The following ENOX1 variants were observed in gnomAD, a reference collection of about 807,000 sequenced individuals.
ENOX1 encodes the protein candidate growth-related and time keeping constitutive hydroquinone (NADH) oxidase.
In ENOX1, 42 loss-of-function variants were observed where a neutral mutation model predicts 82.5. The observed-to-expected ratio is 0.51, with a 90% CI of 0.40 to 0.66. ENOX1 has a LOEUF of 0.66. Among genes scored for constraint, ENOX1 ranks in the 30% least tolerant of loss-of-function variants. The pLI is 0.00. For synonymous variants in ENOX1, 271 were observed against 282.2 expected (o/e 0.96, Z 0.40); for missense variants, 608 against 811.6 (o/e 0.75, Z 3.05).
intron 1 of ENOX1, among the ~76,000 whole-genome samples, chr13:43,693,446 TAAC>T (rs1463579479): frequency 6.6e-6 from 1 of 152,152 alleles, no homozygotes; most frequent in Non-Finnish European, 1.5e-5. Context: ...CAAATCCAAT[TAAC>T]AAAATACCAT....
chr13:43,440,528 T>C (rs2056303415), intron 3 of ENOX1, among the ~76,000 whole-genome samples: 1 of 152,194 alleles, frequency 6.6e-6, no homozygotes, highest in Non-Finnish European at 1.5e-5. Context: ...AAAAAAATTA[T>C]CAAAATCAGA....
chr13:43,354,023 C>T (rs2049981466), intron 8 of ENOX1, among the ~76,000 whole-genome samples: 1 of 152,198 alleles, frequency 6.6e-6, no homozygotes. Context: ...TTATGAAATT[C>T]CTCCAGGAGG....
intron 1 of ENOX1, among the ~76,000 whole-genome samples, chr13:43,765,197 A>G (rs919165451): frequency 3.6e-4 from 55 of 152,222 alleles, no homozygotes; most frequent in Non-Finnish European, 4.4e-4. Flanking sequence ...TTTAGGGAGA[A>G]AAAAACTAAA....
chr13:43,365,613 T>C lies in ENOX1; in HGVS notation c.209-4161A>G, dbSNP rs1367451415. On this transcript the variant is annotated intron_variant, in intron 5 of 16. Coordinates refer to ENST00000690772, the MANE Select transcript of ENOX1 (RefSeq NM_001347969.2). ...TGCAGGAACATCATGGAGTCATAAG[T>C]TGAGAAATACTAGGCCAATTGGCAG... Among the ~76,000 whole-genome samples the C allele has an allele frequency of 2.6e-5, 4 of 152,088 alleles. No homozygotes were observed. In the East Asian group the frequency reaches 5.8e-4, roughly 22 times the overall value.
chr13:43,695,039 T>C (rs1032419925), intron 1 of ENOX1, among the ~76,000 whole-genome samples: 1 of 152,118 alleles, frequency 6.6e-6, no homozygotes, highest in Admixed American at 6.6e-5. Flanking sequence ...GCACAAGCAC[T>C]AACCACACAC....
chr13:43,423,506 A>G (rs2055099565), intron 3 of ENOX1, among the ~76,000 whole-genome samples: 1 of 152,220 alleles, frequency 6.6e-6, no homozygotes, highest in African/African-American at 2.4e-5. Context: ...ATCAATTCCT[A>G]CTTCTCCCAG....
chr13:43,383,006 C>G (rs1205993264), intron 5 of ENOX1, among the ~76,000 whole-genome samples: 1 of 152,080 alleles, frequency 6.6e-6, no homozygotes, highest in Non-Finnish European at 1.5e-5. Context: ...CTTAATAGAT[C>G]TCAAATTAAA....
chr13:43,422,367 G>A (rs545338071), intron 3 of ENOX1, among the ~76,000 whole-genome samples: 2 of 152,174 alleles, frequency 1.3e-5, no homozygotes, highest in South Asian at 4.1e-4. Context: ...TATATGTACA[G>A]TACTAAAGAA....
chr13:43,337,320 C>T (rs1033341251), intron 9 of ENOX1, among the ~76,000 whole-genome samples: 1 of 152,198 alleles, frequency 6.6e-6, no homozygotes, highest in Non-Finnish European at 1.5e-5. Flanking sequence ...GTAAGTGGCT[C>T]ATGTCTCTAT....
At chr13:43,229,823 G>A (rs1412972774) in intron 15 of ENOX1, among the ~76,000 whole-genome samples, 3 of 152,194 alleles carry the variant, frequency 2.0e-5, no homozygotes, top group Non-Finnish European at 4.4e-5. Flanking sequence ...TTTTTCACTT[G>A]AGCAACTGGG....
At chr13:43,217,550 T>G (rs955406423) in intron 16 of ENOX1, among the ~76,000 whole-genome samples, 2 of 151,870 alleles carry the variant, frequency 1.3e-5, no homozygotes, top group Non-Finnish European at 2.9e-5. Context: ...CAGGGAAGAG[T>G]AAATTCTTCA....
chr13:43,463,410 G>A (rs944949982), intron 3 of ENOX1, among the ~76,000 whole-genome samples: 1 of 152,186 alleles, frequency 6.6e-6, no homozygotes, highest in African/African-American at 2.4e-5. Context: ...TGCCCAGTGA[G>A]TAAAATGTGA....
chr13:43,615,678 G>T (rs1025418804), intron 2 of ENOX1, among the ~76,000 whole-genome samples: 1 of 152,020 alleles, frequency 6.6e-6, no homozygotes, highest in Non-Finnish European at 1.5e-5. Context: ...GTGCTATGGT[G>T]GTTTGCTGCA....
At chr13:43,462,867 C>A (rs1239544820) in intron 3 of ENOX1, among the ~76,000 whole-genome samples, 1 of 144,696 alleles carries the variant, frequency 6.9e-6, no homozygotes, top group Non-Finnish European at 1.5e-5. Flanking sequence ...GGGAACTTCT[C>A]AACTTTCTCT....
intron 14 of ENOX1, among the ~76,000 whole-genome samples, chr13:43,246,531 G>A (rs930824714): frequency 6.6e-6 from 1 of 152,220 alleles, no homozygotes; most frequent in African/African-American, 2.4e-5. Flanking sequence ...GGACTGAGGG[G>A]GCTGGCTGGC....
intron 2 of ENOX1, among the ~76,000 whole-genome samples, chr13:43,624,262 T>A (rs2082871447): frequency 6.6e-6 from 1 of 152,234 alleles, no homozygotes. Context: ...TTCCTATTTT[T>A]TAACTGAATT....
intron 2 of ENOX1, among the ~76,000 whole-genome samples, chr13:43,595,841 A>C (rs1387707464): frequency 6.6e-6 from 1 of 152,228 alleles, no homozygotes; most frequent in Non-Finnish European, 1.5e-5. Flanking sequence ...TCTTTTCTTT[A>C]CCAGTCATTA....
intron 8 of ENOX1, among the ~76,000 whole-genome samples, chr13:43,348,718 AT>A (rs2049560443): frequency 6.6e-6 from 1 of 152,194 alleles, no homozygotes; most frequent in Non-Finnish European, 1.5e-5. Flanking sequence ...ATCCACTGTA[AT>A]GGTACAGCAG....
intron 3 of ENOX1, among the ~76,000 whole-genome samples, chr13:43,442,441 A>T (rs1256544830): frequency 2.0e-5 from 3 of 152,142 alleles, no homozygotes; most frequent in Admixed American, 2.0e-4. Context: ...TGTGCCCACC[A>T]CTGGGAGATA....
Sources: allele counts gnomAD v4.1 joint callset (sites outside exome capture counted in the v4.1 genomes callset), GRCh38; gene constraint gnomAD v4.1.1; transcripts MANE v1.5; gene names NCBI Gene and HGNC (gene_info 2026-07-23, HGNC 2026-07-21).